The following PRR11 variants were observed in gnomAD, a reference collection of about 807,000 sequenced individuals.
PRR11 encodes the protein proline rich 11.
In PRR11, 30 loss-of-function variants were observed where a neutral mutation model predicts 45.6. That is an observed-to-expected ratio of 0.66 (90% CI 0.49 to 0.89). The LOEUF is 0.89. Among genes scored for constraint, PRR11 ranks in the 40% least tolerant of loss-of-function variants. PRR11 has a pLI of 0.00. For synonymous variants in PRR11, 128 were observed against 153.5 expected (o/e 0.83, Z 1.23); for missense variants, 373 against 424.8 (o/e 0.88, Z 1.07).
At chr17:59,163,130 G>A (rs1217928577) in intron 1 of PRR11, among the ~76,000 whole-genome samples, 3 of 150,724 alleles carry the variant, frequency 2.0e-5, no homozygotes, top group African/African-American at 7.3e-5. Flanking sequence ...TCGTTCTATT[G>A]CCCAGGCTGG....
intron 2 of PRR11, among the ~76,000 whole-genome samples, chr17:59,172,784 C>A (rs919637472): frequency 3.3e-5 from 5 of 152,244 alleles, no homozygotes; most frequent in African/African-American, 1.2e-4. Flanking sequence ...GACCTGCAGC[C>A]CGCCATGCCT....
At chr17:59,179,708 T>G (rs1165588516) in intron 2 of PRR11, 2 of 1,435,502 alleles carry the variant, frequency 1.4e-6, no homozygotes, top group African/African-American at 2.8e-5. Context: ...TCGCCATTGC[T>G]TCAGCTTCAT....
chr17:59,169,561 C>G (rs2046696849), intron 1 of PRR11, among the ~76,000 whole-genome samples, 187 bp from the exon 2 acceptor site: 1 of 152,170 alleles, frequency 6.6e-6, no homozygotes, highest in South Asian at 2.1e-4. Flanking sequence ...TAGTTTAAAT[C>G]TGTGTTTACA....
chr17:59,195,569 C>A, intron 7 of PRR11, 126 bp downstream of exon 7: 1 of 585,562 alleles, frequency 1.7e-6, no homozygotes, highest in South Asian at 3.1e-5. Flanking sequence ...TATATATGCT[C>A]ATTATAGAAA....
At chr17:59,189,386 T>C (rs1340856653) in intron 4 of PRR11, among the ~76,000 whole-genome samples, 1 of 152,030 alleles carries the variant, frequency 6.6e-6, no homozygotes, top group Non-Finnish European at 1.5e-5. Context: ...CAGGCTAAAG[T>C]GTAGTGGCGT....
chr17:59,201,910 G>T lies in PRR11; in HGVS notation c.*279G>T. ...TGCTTGAACCCAAGAGGCAGAGGTT[G>T]CAGTGAGCCAAGATCGCGTCATTGC... On this transcript the variant is annotated 3_prime_UTR_variant, in exon 10 of 10. Transcript: ENST00000262293. 2.8e-6 allele frequency: 1 copy of T among 357,430 alleles called. No homozygotes were observed. The highest frequency in any genetic ancestry group is 5.3e-6 in the Non-Finnish European group (1 of 188,684). 22.1% of individuals were successfully genotyped at this position (357,430 alleles called of 1,614,324 possible).
Position 59,185,075 on chromosome 17 carries a change from T to C in PRR11, c.150T>C (p.Asp50=), listed in dbSNP as rs2046807563. Residue 50 remains aspartate (D), a synonymous_variant, in exon 3 of 10, where the codon GAT becomes GAC. Transcript: ENST00000262293. ...ACAGAGTCGGTATTTCTTCAATAGA[T>C]ATATCTCAAAGCAGAAGCTGGCTAA... The part of the protein sequence containing the change: ...SPERVGISSI[D]ISQSRSWLTS... 5.6e-6 allele frequency: 9 copies of C among 1,613,152 alleles called. No individual in the cohort carries two copies. The highest frequency in any genetic ancestry group is 7.6e-6 in the Non-Finnish European group (9 of 1,179,364).
chr17:59,197,638 C>A (rs756531638), intron 8 of PRR11, 35 bp downstream of exon 8: 2 of 1,610,960 alleles, frequency 1.2e-6, no homozygotes, highest in South Asian at 2.2e-5. Flanking sequence ...CCTTCTACGT[C>A]CATTTTAAAA....
chr17:59,190,197 C>T (rs915895496), intron 4 of PRR11, among the ~76,000 whole-genome samples: 15 of 152,176 alleles, frequency 9.9e-5, no homozygotes, highest in African/African-American at 3.1e-4. Context: ...ATGGGCCAGG[C>T]ACGGTGGCTC....
chr17:59,192,588 G>C (rs1405615690), intron 4 of PRR11, among the ~76,000 whole-genome samples: 1 of 152,142 alleles, frequency 6.6e-6, no homozygotes, highest in Non-Finnish European at 1.5e-5. Context: ...TCCTGGGCTT[G>C]TAGATGGCTG....
At chr17:59,174,395 A>G (rs1048895132) in intron 2 of PRR11, among the ~76,000 whole-genome samples, 1 of 152,234 alleles carries the variant, frequency 6.6e-6, no homozygotes, top group Admixed American at 6.5e-5. Context: ...GCTGCACAAG[A>G]TGTGAACCAA....
intron 1 of PRR11, among the ~76,000 whole-genome samples, chr17:59,157,702 C>G (rs76971118): frequency 6.6e-6 from 1 of 150,866 alleles, no homozygotes; most frequent in South Asian, 2.1e-4. Context: ...ACTCTGTCCA[C>G]CCCCCCAAAA....
At chr17:59,192,111 G>C (rs2018422904) in intron 4 of PRR11, among the ~76,000 whole-genome samples, 1 of 152,154 alleles carries the variant, frequency 6.6e-6, no homozygotes, top group South Asian at 2.1e-4. Context: ...GGATTATCTA[G>C]GTGGACCCTA....
At chr17:59,197,989 C>T in intron 9 of PRR11, 200 bp downstream of exon 9, 1 of 540,598 alleles carries the variant, frequency 1.8e-6, no homozygotes, top group South Asian at 2.2e-5. Flanking sequence ...GTGGTGCATG[C>T]CTGTAGTTCC....
rs2147860923 is a variant in PRR11 at position 59,205,556 on chromosome 17, GC to G, written c.*3927del. On this transcript the variant is annotated 3_prime_UTR_variant, in exon 10 of 10. Transcript: ENST00000262293. The stretch of plus-strand genomic sequence containing the variant: ...GTCTCTACTAAAAATACAAAAATTA[GC>G]CGGGCATAGTGGCAGACACCTGTAA... Among the ~76,000 whole-genome samples, 1 of 147,630 alleles carries G rather than the reference GC, an allele frequency of 6.8e-6. No individual in the cohort carries two copies. Among genetic ancestry groups the G allele is most frequent in the South Asian group, 2.2e-4 (1 of 4,614 alleles).
chr17:59,198,543 G>A lies in PRR11; in HGVS notation c.1014+754G>A, dbSNP rs532351007. Among the ~76,000 whole-genome samples the A allele has an allele frequency of 1.2e-4, 18 of 152,260 alleles. No homozygotes were observed. The South Asian group carries it at 3.1e-3, about 26-fold the overall frequency. On this transcript the variant is annotated intron_variant, in intron 9 of 9. Transcript: ENST00000262293. ...ACAAAAATTAGCAAGGTGTGGTGGC[G>A]GATGCCTGTAGTCCCAGCTACTCGG... is the stretch of plus-strand genomic sequence containing the variant.
intron 1 of PRR11, chr17:59,163,639 C>T (rs1206529154): frequency 6.6e-6 from 1 of 152,200 alleles, no homozygotes; most frequent in Non-Finnish European, 1.5e-5. Context: ...CCTTCTGCGG[C>T]AGTCTTCACT....
At chr17:59,164,379 G>A (rs1300444041) in intron 1 of PRR11, among the ~76,000 whole-genome samples, 1 of 151,938 alleles carries the variant, frequency 6.6e-6, no homozygotes, top group East Asian at 1.9e-4. Flanking sequence ...CTGACTGAAA[G>A]TTTGGCCTAA....
chr17:59,169,932 A>G (rs1235046290), intron 2 of PRR11, 52 bp downstream of exon 2: 1 of 1,528,296 alleles, frequency 6.5e-7, no homozygotes. Context: ...GATCAGTTTA[A>G]GATAGAGTTT....
Sources: allele counts gnomAD v4.1 joint callset (sites outside exome capture counted in the v4.1 genomes callset), GRCh38; gene constraint gnomAD v4.1.1; transcripts MANE v1.5; gene names NCBI Gene and HGNC (gene_info 2026-07-23, HGNC 2026-07-21).